Variants in SATB2 observed in about 807,000 individuals in gnomAD.
The protein encoded by SATB2 is SATB homeobox 2, also known as DNA-binding protein SATB2.
In SATB2, 1 loss-of-function variant was observed where a neutral mutation model predicts 73.4. The ratio of observed to expected loss-of-function variants is 0.01; its 90% CI spans 0.00 to 0.06. SATB2 has a LOEUF of 0.06. SATB2 is among the 10% of genes least tolerant of loss of function. The pLI is 1.00. For synonymous variants in SATB2, 397 were observed against 367.0 expected (o/e 1.08, Z -0.93); for missense variants, 459 against 945.8 (o/e 0.49, Z 6.75).
intron 5 of SATB2, among the ~76,000 whole-genome samples, chr2:199,370,296 T>C (rs1689406007): frequency 6.6e-6 from 1 of 152,026 alleles, no homozygotes; most frequent in South Asian, 2.1e-4. Context: ...ATGTGGGATA[T>C]CTGAGTCACT....
At chr2:199,408,081 T>C (rs915287109) in intron 3 of SATB2, among the ~76,000 whole-genome samples, 1 of 152,214 alleles carries the variant, frequency 6.6e-6, no homozygotes, top group African/African-American at 2.4e-5. Flanking sequence ...TTGTGCCTTG[T>C]TGAATAACTA....
chr2:199,451,299 A>C (rs1227633828), intron 2 of SATB2, among the ~76,000 whole-genome samples: 1 of 152,026 alleles, frequency 6.6e-6, no homozygotes, highest in Non-Finnish European at 1.5e-5. Flanking sequence ...TTTTTTAACC[A>C]AGTATATCTT....
At chr2:199,356,225 C>CAAAAAA (rs200509001) in intron 6 of SATB2, among the ~76,000 whole-genome samples, 8 of 100,966 alleles carry the variant, frequency 7.9e-5, no homozygotes, top group East Asian at 3.9e-4. Flanking sequence ...GAACATAAGC[C>CAAAAAA]AAAAAAAAAA....
At chr2:199,356,225 C>CAAAAAAAAAAAAA (rs200509001) in intron 6 of SATB2, among the ~76,000 whole-genome samples, 174 of 100,832 alleles carry the variant, frequency 1.7e-3, no homozygotes, top group East Asian at 3.5e-3. Context: ...GAACATAAGC[C>CAAAAAAAAAAAAA]AAAAAAAAAA....
At chr2:199,371,753 G>A (rs774447140) in intron 5 of SATB2, among the ~76,000 whole-genome samples, 10 of 152,162 alleles carry the variant, frequency 6.6e-5, no homozygotes, top group Non-Finnish European at 1.3e-4. Context: ...AATAAGAGCT[G>A]AGTCAACTTT....
chr2:199,307,278 A>C (rs1246987612), intron 10 of SATB2, among the ~76,000 whole-genome samples: 1 of 152,168 alleles, frequency 6.6e-6, no homozygotes, highest in Non-Finnish European at 1.5e-5. Context: ...TTTTCAAATA[A>C]ATTTATTTTC....
chr2:199,378,522 C>T (rs1689669536), intron 5 of SATB2, among the ~76,000 whole-genome samples: 2 of 152,086 alleles, frequency 1.3e-5, no homozygotes, highest in Admixed American at 1.3e-4. Context: ...ATTAAAATGG[C>T]CTCCATGAAA....
intron 2 of SATB2, 99 bp from the exon 3 acceptor site, chr2:199,433,613 T>C: frequency 9.0e-7 from 1 of 1,112,720 alleles, no homozygotes; most frequent in Non-Finnish European, 1.4e-6. Context: ...GTCAGTCATC[T>C]GTGATCGACA....
At position 199,405,302 on chromosome 2, in the gene SATB2, A is replaced by T. The variant is rs115522024; in HGVS notation, c.347-23482T>A. Among the ~76,000 whole-genome samples, 327 of 152,312 alleles carry T rather than the reference A, an allele frequency of 2.1e-3. 2 individuals carry two copies. Among genetic ancestry groups the T allele is most frequent in the African/African-American group, 7.5e-3 (313 of 41,564 alleles). On this transcript the variant is annotated intron_variant, in intron 3 of 10. Transcript: ENST00000417098. ...GCATAATATTGGTTTCATCAGACAT[A>T]ATAGAAGCCAATGACAAATGGACTT...
intron 10 of SATB2, among the ~76,000 whole-genome samples, chr2:199,295,525 A>G (rs1195046999): frequency 6.6e-6 from 1 of 152,146 alleles, no homozygotes; most frequent in African/African-American, 2.4e-5. Context: ...AGCTTTTGAA[A>G]TTCTAAAAAT....
At chr2:199,310,575 T>A (rs984381171) in intron 9 of SATB2, among the ~76,000 whole-genome samples, 1 of 152,196 alleles carries the variant, frequency 6.6e-6, no homozygotes, top group South Asian at 2.1e-4. Flanking sequence ...GTAAAAGAAT[T>A]CTTGAAATGG....
intron 3 of SATB2, among the ~76,000 whole-genome samples, chr2:199,384,939 T>C (rs1414506490): frequency 6.6e-6 from 1 of 152,198 alleles, no homozygotes. Context: ...ACTCAAAAGA[T>C]TTTTGATGAT....
rs545432947 is a variant in SATB2, at chr2:199,338,026, C to T, written c.1174-9116G>A. On this transcript the variant is annotated intron_variant, in intron 7 of 10. Coordinates refer to ENST00000417098, the MANE Select transcript of SATB2 (RefSeq NM_001172509.2). The stretch of plus-strand genomic sequence containing the variant: ...GTAAATATAACATCACTCAGAATTT[C>T]GGGAGACTAGTTAAATAATACAACA... Among the ~76,000 whole-genome samples, 240 of 152,092 alleles carry T rather than the reference C, an allele frequency of 1.6e-3. 1 individual carries two copies. Among genetic ancestry groups the T allele is most frequent in the African/African-American group, 5.6e-3 (234 of 41,502 alleles).
Position 199,272,364 on chromosome 2 carries a change from C to G in SATB2, c.2049G>C (p.Ala683=), listed in dbSNP as rs773036691. Reference sequence around the variant, plus strand: ...CGTCCTTATATTCAGCCACGTCCACCGCGGAGCCCAGGTGCTCTTTCAGCT... The same window carrying G: ...CGTCCTTATATTCAGCCACGTCCACGGCGGAGCCCAGGTGCTCTTTCAGCT... ...HGKLKEHLGS[A]VDVAEYKDEE... is the part of the protein sequence containing the mutation. Residue 683 remains alanine, a synonymous_variant, in exon 11 of 11, where the codon GCG becomes GCC. Coordinates refer to ENST00000417098, the MANE Select transcript of SATB2 (RefSeq NM_001172509.2). The surrounding 1 kb of genome is among the most constrained non-coding windows in gnomAD (Gnocchi z 6.7). The G allele has an allele frequency of 6.2e-7, 1 of 1,614,172 alleles. No homozygotes were observed. The highest frequency in any genetic ancestry group is 1.1e-5 in the South Asian group (1 of 91,078).
At chr2:199,403,961 G>A (rs898071672) in intron 3 of SATB2, among the ~76,000 whole-genome samples, 1 of 152,174 alleles carries the variant, frequency 6.6e-6, no homozygotes, top group African/African-American at 2.4e-5. Flanking sequence ...CTGTCAATAA[G>A]GTGTTTATTA....
At chr2:199,469,380 G>C (rs1446127224), upstream of SATB2, among the ~76,000 whole-genome samples, 2 of 152,152 alleles carry the variant, frequency 1.3e-5, no homozygotes, top group African/African-American at 4.8e-5. Flanking sequence ...CTCCAAAGAA[G>C]TGGATGCCCC....
intron 7 of SATB2, among the ~76,000 whole-genome samples, chr2:199,335,006 T>A (rs533102829): frequency 7.2e-5 from 11 of 152,150 alleles, no homozygotes; most frequent in African/African-American, 2.6e-4. Context: ...TGAAATTCAT[T>A]TGTGTAATGC....
intron 3 of SATB2, chr2:199,397,422 TAACTC>T (rs1690333293): frequency 6.6e-6 from 1 of 152,422 alleles, no homozygotes; most frequent in East Asian, 1.9e-4. Flanking sequence ...ATCTGAAAAA[TAACTC>T]AACAATAATG....
intron 4 of SATB2, among the ~76,000 whole-genome samples, 192 bp from the exon 5 acceptor site, chr2:199,380,679 T>TAAA (rs1390428223): frequency 2.6e-5 from 4 of 152,200 alleles, no homozygotes; most frequent in African/African-American, 9.7e-5. Flanking sequence ...GGGTCTCTTT[T>TAAA]GAGTTTGTCA....
Sources: gnomAD v4.1 joint callset for allele counts (sites outside exome capture counted in the v4.1 genomes callset) on GRCh38, gnomAD v4.1.1 for gene constraint, Gnocchi (gnomAD v3.1) non-coding constraint, MANE v1.5 for transcripts, NCBI Gene and HGNC (gene_info 2026-07-23, HGNC 2026-07-21) for gene names.